Variants in MOCOS observed in about 807,000 individuals in gnomAD.
MOCOS encodes the protein human molybdenum cofactor sulfurase.
In MOCOS, 86 loss-of-function variants were observed where a neutral mutation model predicts 83.6. The observed-to-expected ratio is 1.03, with a 90% CI of 0.86 to 1.23. MOCOS has a LOEUF of 1.23. Among genes scored for constraint, MOCOS ranks in the 50% most tolerant of loss-of-function variants. The probability of loss-of-function intolerance (pLI) is 0.00; values close to 1 mark genes in which losing one functional copy is unlikely to be tolerated. For synonymous variants in MOCOS, 445 were observed against 434.7 expected (o/e 1.02, Z -0.29); for missense variants, 1,120 against 1,126.9 (o/e 0.99, Z 0.09).
In MOCOS at chr18:36,268,846, C is replaced by A. The variant is rs1352766456; in HGVS notation, c.*161C>A. 1.5e-6 allele frequency: 1 copy of A among 680,626 alleles called. No individual in the cohort carries two copies. The highest frequency in any genetic ancestry group is 2.7e-5 in the East Asian group (1 of 36,692). The allele number at this position is 680,626 out of a possible 1,614,324, so 42.2% of individuals were successfully genotyped here. A position where few individuals can be genotyped will look rare whatever the true frequency, so the allele number is the denominator to read the frequency against. The stretch of plus-strand genomic sequence containing the variant: ...GCTTCCTTCTGCCTTTGACTTCTCA[C>A]CCTGCAAATTTGCACTGGCTGTGCT... On this transcript the variant is annotated 3_prime_UTR_variant, in exon 15 of 15. Coordinates refer to ENST00000261326, the MANE Select transcript of MOCOS (RefSeq NM_017947.4).
chr18:36,204,129 C>T (rs73430968), intron 5 of MOCOS, among the ~76,000 whole-genome samples: 1 of 152,118 alleles, frequency 6.6e-6, no homozygotes, highest in Non-Finnish European at 1.5e-5. Flanking sequence ...ACAACTCAGT[C>T]GTAGTAAATA....
In MOCOS at chr18:36,200,322, G is replaced by C; in HGVS notation, c.939G>C (p.Gln313His). Reference sequence around the variant, plus strand: ...ACATCCCGAGGCAGTCGGTAGCTCAGAGGTAACCTTGCCACAGGGGAGGGG... The same window carrying C: ...ACATCCCGAGGCAGTCGGTAGCTCACAGGTAACCTTGCCACAGGGGAGGGG... ...DFYIPRQSVAQRFEDGTISFL... is the reference protein window; with the variant it reads ...DFYIPRQSVAHRFEDGTISFL... The change falls in exon 4 of 15, where the codon CAG (glutamine) becomes CAC (histidine). Residue 313 changes from glutamine (Q) to histidine (H), a missense_variant and splice_region_variant. Gln to His is a conservative substitution (Grantham distance 24). Transcript: ENST00000261326. 1 of 1,613,998 alleles carries C rather than the reference G, an allele frequency of 6.2e-7. No individual in the cohort carries two copies. The highest frequency in any genetic ancestry group is 8.5e-7 in the Non-Finnish European group (1 of 1,180,038).
intron 12 of MOCOS, among the ~76,000 whole-genome samples, chr18:36,259,434 G>A (rs994425211): frequency 4.1e-5 from 5 of 122,686 alleles, no homozygotes; most frequent in Non-Finnish European, 8.1e-5. Context: ...GGGTGACAGA[G>A]CAAGACCTTG....
Position 36,269,304 on chromosome 18 carries a change from C to T in MOCOS, c.*619C>T. On this transcript the variant is annotated 3_prime_UTR_variant, in exon 15 of 15. Transcript: ENST00000261326. ...TCCCATCCCTGGCCTCCGTCCTCAT[C>T]CCCCACTGAGTTGATGCACTGAGGA... 6.4e-6 allele frequency: 1 copy of T among 155,712 alleles called. No homozygotes were observed. The highest frequency in any genetic ancestry group is 2.0e-4 in the South Asian group (1 of 5,086). The allele number at this position is 155,712 out of a possible 1,614,324, so 9.6% of individuals were successfully genotyped here.
chr18:36,187,680 A>C lies in MOCOS; in HGVS notation c.141A>C (p.Ala47=). The change falls in exon 1 of 15, where the codon GCA becomes GCC. Residue 47 remains alanine, a splice_region_variant and synonymous_variant. Transcript: ENST00000261326. ...GGGCGCGCGAGTTCAGCCGCCTGGC[A>C]GGTGAGGCGGGCGGGCAGGCTTGGG... The part of the protein sequence containing the change: ...ELRAREFSRL[A]GTVYLDHAGA... 3.9e-6 allele frequency: 5 copies of C among 1,266,510 alleles called. No homozygotes were observed. The highest frequency in any genetic ancestry group is 5.0e-6 in the Non-Finnish European group (5 of 1,006,220). 78.5% of individuals were successfully genotyped at this position (1,266,510 alleles called of 1,614,324 possible). A position where few individuals can be genotyped will look rare whatever the true frequency, so the allele number is the denominator to read the frequency against.
At position 36,215,506 on chromosome 18, in the gene MOCOS, C is replaced by G. The variant is rs1475267662; in HGVS notation, c.1336-10C>G. The G allele has an allele frequency of 3.1e-6, 5 of 1,612,854 alleles. No individual in the cohort carries two copies. Among genetic ancestry groups the G allele is most frequent in the Non-Finnish European group, 4.2e-6 (5 of 1,179,556 alleles). ...GTCACTCTGGCTGATGCACTTCCCTCTTATCCTAGGCTGGTCATGTCTGTG... is the reference window on the plus strand; with the variant it reads ...GTCACTCTGGCTGATGCACTTCCCTGTTATCCTAGGCTGGTCATGTCTGTG... On this transcript the variant is annotated splice_polypyrimidine_tract_variant and intron_variant, in intron 7 of 14. Coordinates refer to ENST00000261326, the MANE Select transcript of MOCOS (RefSeq NM_017947.4).
chr18:36,196,326 CACA>C lies in MOCOS; in HGVS notation c.232+986_232+988del, dbSNP rs936898673. Among the ~76,000 whole-genome samples, 306 of 152,294 alleles carry C rather than the reference CACA, an allele frequency of 2.0e-3. 2 individuals are homozygous for C. The highest frequency in any genetic ancestry group is 7.1e-3 in the African/African-American group (293 of 41,540). On this transcript the variant is annotated intron_variant, in intron 2 of 14. Coordinates refer to ENST00000261326, the MANE Select transcript of MOCOS (RefSeq NM_017947.4). ...GCTATGAGCTTTCTCTCTTCAGCCT[CACA>C]ACAACCCAAGAGGCATAGGTTCTGG...
intron 9 of MOCOS, among the ~76,000 whole-genome samples, chr18:36,223,573 T>C (rs1283529151): frequency 6.6e-6 from 1 of 152,202 alleles, no homozygotes; most frequent in East Asian, 1.9e-4. Flanking sequence ...AGTTTATTTG[T>C]CATCTTTTGT....
At chr18:36,198,905 A>T (rs1024216889) in intron 3 of MOCOS, 149 bp downstream of exon 3, 2 of 830,424 alleles carry the variant, frequency 2.4e-6, no homozygotes, top group East Asian at 5.3e-5. Context: ...GAGAAACATC[A>T]GAGTCAGAGC....
intron 7 of MOCOS, 44 bp from the exon 8 acceptor site, chr18:36,215,472 G>C: frequency 6.3e-7 from 1 of 1,576,014 alleles, no homozygotes; most frequent in South Asian, 1.1e-5. Flanking sequence ...GTGTCTCTAT[G>C]AGAAAGGGGT....
At chr18:36,227,624 A>G (rs1055864280) in intron 9 of MOCOS, among the ~76,000 whole-genome samples, 9 of 151,886 alleles carry the variant, frequency 5.9e-5, no homozygotes, top group Admixed American at 2.0e-4. Context: ...CTGAACTCCT[A>G]ACCTCAGGTG....
At chr18:36,231,810 C>T (rs1426816986) in intron 9 of MOCOS, among the ~76,000 whole-genome samples, 1 of 152,264 alleles carries the variant, frequency 6.6e-6, no homozygotes, top group East Asian at 1.9e-4. Context: ...GATGTGATCG[C>T]CCCCATTCAG....
At chr18:36,231,947 G>A (rs1199932098) in intron 9 of MOCOS, among the ~76,000 whole-genome samples, 1 of 152,068 alleles carries the variant, frequency 6.6e-6, no homozygotes, top group African/African-American at 2.4e-5. Flanking sequence ...AAATTCTAGT[G>A]TCATTAAAAT....
At chr18:36,236,975 T>C (rs1238184786) in intron 9 of MOCOS, among the ~76,000 whole-genome samples, 1 of 152,126 alleles carries the variant, frequency 6.6e-6, no homozygotes, top group Non-Finnish European at 1.5e-5. Flanking sequence ...TTTTTGCACA[T>C]TGATTTTGTA....
intron 9 of MOCOS, among the ~76,000 whole-genome samples, chr18:36,240,219 T>C (rs2091575868): frequency 7.6e-6 from 1 of 131,690 alleles, no homozygotes; most frequent in Non-Finnish European, 1.6e-5. Flanking sequence ...CTCTGATTTT[T>C]AGAGTTTCCA....
At chr18:36,211,476 C>G (rs564244263) in intron 6 of MOCOS, among the ~76,000 whole-genome samples, 1 of 152,022 alleles carries the variant, frequency 6.6e-6, no homozygotes, top group Non-Finnish European at 1.5e-5. Context: ...ATATACATCC[C>G]TTAGCACAGG....
At chr18:36,213,990 A>C (rs2848587) in intron 7 of MOCOS, among the ~76,000 whole-genome samples, 48,744 of 146,884 alleles carry the variant, frequency 0.33, 8,413 homozygotes, top group Middle Eastern at 0.43. Context: ...GCCTGTAATC[A>C]CAGCACTTTG....
intron 9 of MOCOS, among the ~76,000 whole-genome samples, chr18:36,240,389 CTGCAGTGTGAGG>C (rs1287391400): frequency 6.7e-6 from 1 of 149,620 alleles, no homozygotes; most frequent in African/African-American, 2.5e-5. Flanking sequence ...TTGGAGTACC[CTGCAGTGTGAGG>C]TGTCAGTGTG....
chr18:36,263,689 G>A (rs76350834), intron 13 of MOCOS, among the ~76,000 whole-genome samples: 1 of 152,170 alleles, frequency 6.6e-6, no homozygotes, highest in Non-Finnish European at 1.5e-5. Context: ...AGCAGCACCT[G>A]TCTCTGTGGA....
Sources: gnomAD v4.1 joint callset for allele counts (sites outside exome capture counted in the v4.1 genomes callset) on GRCh38, gnomAD v4.1.1 for gene constraint, MANE v1.5 for transcripts, NCBI Gene and HGNC (gene_info 2026-07-23, HGNC 2026-07-21) for gene names.